The following CFAP57 variants were observed in gnomAD, a reference collection of about 807,000 sequenced individuals.
CFAP57 encodes the protein cilia and flagella associated protein 57.
A neutral mutation model predicts 146.8 loss-of-function variants in CFAP57; 116 were observed. The observed-to-expected ratio is 0.79, with a 90% CI of 0.68 to 0.92. CFAP57 has a LOEUF of 0.92. Ranked by LOEUF, CFAP57 falls within the 40% of genes least tolerant of loss-of-function variation. The pLI, the probability that CFAP57 is intolerant of heterozygous loss-of-function variation, is 0.00. For synonymous variants in CFAP57, 518 were observed against 552.8 expected, an observed-to-expected ratio of 0.94 and a Z score of 0.88; for missense variants, 1,377 against 1,527.2, an observed-to-expected ratio of 0.90 and a Z score of 1.64.
chr1:43,206,922 C>T lies in CFAP57; in HGVS notation c.1745C>T (p.Ala582Val). ...VGSDHTLKEI[A>V]DSLILREISA... ...TCAGACCACACCCTCAAGGAGATTG[C>T]AGATTCCTTGGTGAGTCTGCCCCTG... The change falls in exon 10 of 23, where the codon GCA becomes GTA. Residue 582 changes from alanine to valine, a missense_variant. Transcript: ENST00000372492. 1 of 1,613,540 alleles carries T rather than the reference C, an allele frequency of 6.2e-7. No homozygotes were observed. Among genetic ancestry groups the T allele is most frequent in the Non-Finnish European group, 8.5e-7 (1 of 1,179,988 alleles).
At chr1:43,180,980 T>C (rs911866449) in intron 2 of CFAP57, among the ~76,000 whole-genome samples, 2 of 152,114 alleles carry the variant, frequency 1.3e-5, no homozygotes, top group South Asian at 4.1e-4. Flanking sequence ...CTTCCTGCTA[T>C]CTACCACCCA....
In CFAP57 at chr1:43,219,465, C is replaced by G. The variant is rs1194814901; in HGVS notation, c.2175C>G (p.Asn725Lys). ...ATCAACTCCGACTAAAGGACATGAA[C>G]TATTCTGAGAAGATTAAGGAGCTAA... ...NEYQLRLKDM[N>K]YSEKIKELTD... The change falls in exon 13 of 23, where the codon AAC becomes AAG. Residue 725 changes from asparagine (N) to lysine (K), a missense_variant. Transcript: ENST00000372492. 6.4e-7 allele frequency: 1 copy of G among 1,550,562 alleles called. No individual in the cohort carries two copies. The highest frequency in any genetic ancestry group is 2.4e-5 in the East Asian group (1 of 40,914).
chr1:43,220,229 C>A (rs1267078128), intron 13 of CFAP57, among the ~76,000 whole-genome samples: 1 of 152,016 alleles, frequency 6.6e-6, no homozygotes, highest in Admixed American at 6.5e-5. Context: ...TTAGGAGAAA[C>A]TTATTTTAAA....
At chr1:43,220,058 T>C (rs1644985064) in intron 13 of CFAP57, among the ~76,000 whole-genome samples, 1 of 152,206 alleles carries the variant, frequency 6.6e-6, no homozygotes, top group Non-Finnish European at 1.5e-5. Flanking sequence ...TAATCGGTAT[T>C]AGTGGTATTA....
At position 43,185,989 on chromosome 1, in the gene CFAP57, G is replaced by A. The variant is rs1293411653; in HGVS notation, c.969+633G>A. On this transcript the variant is annotated intron_variant, in intron 5 of 22. Transcript: ENST00000372492. ...TGGCACGTGTCTGTAATCCCAGCTAGAATTGCTTGAACCCGGGCAGCAGAG... is the reference window on the plus strand; with the variant it reads ...TGGCACGTGTCTGTAATCCCAGCTAAAATTGCTTGAACCCGGGCAGCAGAG... Among the ~76,000 whole-genome samples the A allele has an allele frequency of 4.0e-5, 6 of 151,840 alleles. No individual in the cohort carries two copies. The South Asian group carries it at 1.0e-3, about 26-fold the overall frequency.
chr1:43,218,968 T>C (rs1161575001), intron 12 of CFAP57, among the ~76,000 whole-genome samples: 2 of 152,078 alleles, frequency 1.3e-5, no homozygotes, highest in Non-Finnish European at 2.9e-5. Context: ...GAAAGAAGAA[T>C]AAAAACAATA....
At chr1:43,215,675 C>T (rs1372170943) in intron 12 of CFAP57, among the ~76,000 whole-genome samples, 1 of 152,238 alleles carries the variant, frequency 6.6e-6, no homozygotes, top group Non-Finnish European at 1.5e-5. Flanking sequence ...ATCTGGTTTT[C>T]TCTTCCTACT....
intron 3 of CFAP57, among the ~76,000 whole-genome samples, chr1:43,182,713 G>A (rs953733382): frequency 6.6e-6 from 1 of 152,200 alleles, no homozygotes; most frequent in Non-Finnish European, 1.5e-5. Context: ...AGGCCACAGT[G>A]AGGCCTGATG....
Position 43,201,242 on chromosome 1 carries a change from T to C in CFAP57, c.1542+1739T>C, listed in dbSNP as rs1014576231. 1.3e-5 allele frequency among the ~76,000 whole-genome samples: 2 copies of C among 152,046 alleles called. No homozygotes were observed. The highest frequency in any genetic ancestry group is 2.9e-5 in the Non-Finnish European group (2 of 68,006). On this transcript the variant is annotated intron_variant, in intron 9 of 22. Transcript: ENST00000372492. This position sits in a 1 kb window ranked among gnomAD's most constrained non-coding sequence, Gnocchi z 4.4. The stretch of plus-strand genomic sequence containing the variant: ...GAGGGAAGACCAACATTTAAGAGAC[T>C]GGTGAAAGAAGAGGAGCCGATGAAA...
intron 22 of CFAP57, among the ~76,000 whole-genome samples, chr1:43,246,803 A>T (rs751306476): frequency 6.6e-6 from 1 of 152,220 alleles, no homozygotes; most frequent in African/African-American, 2.4e-5. Context: ...GAGTACATAC[A>T]TGACGGCCCA....
intron 5 of CFAP57, among the ~76,000 whole-genome samples, chr1:43,186,202 A>G (rs1344953204): frequency 6.6e-6 from 1 of 152,118 alleles, no homozygotes; most frequent in East Asian, 1.9e-4. Context: ...AGATCATGCC[A>G]CTGTATTCCA....
intron 6 of CFAP57, among the ~76,000 whole-genome samples, chr1:43,189,988 C>T (rs1476877398): frequency 6.6e-6 from 1 of 152,204 alleles, no homozygotes; most frequent in Non-Finnish European, 1.5e-5. Context: ...CCAGGTCCCA[C>T]CTTCAACACT....
intron 2 of CFAP57, among the ~76,000 whole-genome samples, chr1:43,174,836 T>G (rs1188679843): frequency 6.6e-6 from 1 of 152,132 alleles, no homozygotes; most frequent in Non-Finnish European, 1.5e-5. Context: ...ATAAAAAAGA[T>G]CATATGACTT....
At chr1:43,198,064 C>A (rs369975534) in intron 7 of CFAP57, among the ~76,000 whole-genome samples, 1 of 152,124 alleles carries the variant, frequency 6.6e-6, no homozygotes, top group African/African-American at 2.4e-5. Flanking sequence ...ATCTTTCTCC[C>A]AGGACATCAC....
At chr1:43,250,158 G>A (rs181956718) in intron 22 of CFAP57, 14 of 152,312 alleles carry the variant, frequency 9.2e-5, no homozygotes, top group Non-Finnish European at 1.3e-4. Context: ...AACAATAAGT[G>A]TACATACAAA....
At chr1:43,181,929 A>T in intron 3 of CFAP57, 79 bp downstream of exon 3, 1 of 1,492,528 alleles carries the variant, frequency 6.7e-7, no homozygotes, top group South Asian at 1.2e-5. Flanking sequence ...TGTGTACCAC[A>T]GTTCTAATTT....
chr1:43,178,611 C>T (rs1225721792), intron 2 of CFAP57, among the ~76,000 whole-genome samples: 3 of 152,194 alleles, frequency 2.0e-5, no homozygotes, highest in South Asian at 2.1e-4. Flanking sequence ...GTTAGAATGG[C>T]GATCATTAAA....
At chr1:43,217,824 C>T (rs1255355884) in intron 12 of CFAP57, among the ~76,000 whole-genome samples, 2 of 152,198 alleles carry the variant, frequency 1.3e-5, no homozygotes, top group Non-Finnish European at 2.9e-5. Flanking sequence ...TCAGCCTGAT[C>T]GGGTTCGATG....
At chr1:43,190,805 C>A (rs1237082055) in intron 6 of CFAP57, among the ~76,000 whole-genome samples, 8 of 151,920 alleles carry the variant, frequency 5.3e-5, no homozygotes, top group Admixed American at 1.3e-4. Context: ...AGATGTTAAA[C>A]CACCCTTGCA....
Sources: gnomAD v4.1 joint callset for allele counts (sites outside exome capture counted in the v4.1 genomes callset) on GRCh38, gnomAD v4.1.1 for gene constraint, Gnocchi (gnomAD v3.1) non-coding constraint, MANE v1.5 for transcripts, NCBI Gene and HGNC (gene_info 2026-07-23, HGNC 2026-07-21) for gene names.